Variants in MTA3 observed in about 807,000 individuals in gnomAD.
MTA3 encodes metastasis associated 1 family member 3.
MTA3 carries 34 observed loss-of-function variants against 83.5 expected under a neutral mutation model. That is an observed-to-expected ratio of 0.41 (90% CI 0.31 to 0.54). The LOEUF (loss-of-function observed/expected upper bound fraction) is 0.54. Among genes scored for constraint, MTA3 ranks in the 20% least tolerant of loss-of-function variants. The pLI, the probability that MTA3 is intolerant of heterozygous loss-of-function variation, is 0.33. For missense variants in MTA3, 761 were observed against 726.4 expected (o/e 1.05, Z -0.55); for synonymous variants, 303 against 252.7 (o/e 1.20, Z -1.89).
At chr2:42,744,510 C>A (rs769592377) in intron 16 of MTA3, among the ~76,000 whole-genome samples, 1 of 152,154 alleles carries the variant, frequency 6.6e-6, no homozygotes, top group African/African-American at 2.4e-5. Flanking sequence ...GGTAAACGAT[C>A]TTTTTAAATT....
chr2:42,607,970 C>A (rs1044013293), intron 3 of MTA3, among the ~76,000 whole-genome samples: 2 of 152,160 alleles, frequency 1.3e-5, no homozygotes, highest in African/African-American at 4.8e-5. Flanking sequence ...TATACAAATA[C>A]ATAAATGAAA....
Position 42,644,116 on chromosome 2 carries a change from A to G in MTA3, c.382-11A>G, listed in dbSNP as rs774350511. 1.9e-6 allele frequency: 3 copies of G among 1,539,384 alleles called. No individual in the cohort carries two copies. In the East Asian group the frequency reaches 6.9e-5, roughly 35 times the overall value. ...ATTAAGTATACCTATGTATTTTGTCATATTTTTCAGGATACCTTCTTCTAC... is the reference window on the plus strand; with the variant it reads ...ATTAAGTATACCTATGTATTTTGTCGTATTTTTCAGGATACCTTCTTCTAC... On this transcript the variant is annotated splice_polypyrimidine_tract_variant and intron_variant, in intron 5 of 16. Coordinates refer to ENST00000405094, the MANE Select transcript of MTA3 (RefSeq NM_001330442.2).
intron 8 of MTA3, among the ~76,000 whole-genome samples, chr2:42,669,577 A>C (rs973928643): frequency 6.6e-6 from 1 of 152,196 alleles, no homozygotes; most frequent in Non-Finnish European, 1.5e-5. Flanking sequence ...GCAGTAAAAA[A>C]TAGGAAACAC....
chr2:42,716,096 A>G (rs562809526), intron 14 of MTA3, among the ~76,000 whole-genome samples: 1 of 152,262 alleles, frequency 6.6e-6, no homozygotes, highest in Admixed American at 6.5e-5. Context: ...TGTTTATTAT[A>G]TTTCTGCCTG....
intron 2 of MTA3, among the ~76,000 whole-genome samples, chr2:42,535,015 A>T (rs992073807): frequency 1.3e-5 from 2 of 152,128 alleles, no homozygotes; most frequent in Non-Finnish European, 2.9e-5. Context: ...ATCCTGGATG[A>T]CAATGGAGCT....
At chr2:42,677,892 T>A (rs1439198012) in intron 8 of MTA3, among the ~76,000 whole-genome samples, 1 of 152,180 alleles carries the variant, frequency 6.6e-6, no homozygotes, top group Non-Finnish European at 1.5e-5. Flanking sequence ...CACACACAAA[T>A]ATCTTACTGT....
At chr2:42,538,806 C>T (rs1163054213) in intron 2 of MTA3, among the ~76,000 whole-genome samples, 9 of 131,054 alleles carry the variant, frequency 6.9e-5, no homozygotes, top group Non-Finnish European at 1.4e-4. Context: ...CTCGCCTTGT[C>T]GCCCAGGTCG....
chr2:42,549,568 C>CATATATA (rs1364860860), intron 2 of MTA3, among the ~76,000 whole-genome samples: 83 of 110,352 alleles, frequency 7.5e-4, no homozygotes, highest in Non-Finnish European at 1.0e-3. Context: ...TATACATATA[C>CATATATA]ATATATAATA....
intron 16 of MTA3, among the ~76,000 whole-genome samples, chr2:42,729,724 G>A (rs1434201537): frequency 6.6e-6 from 1 of 152,170 alleles, no homozygotes; most frequent in African/African-American, 2.4e-5. Flanking sequence ...GTCAGATGAA[G>A]TGATTTTTCC....
chr2:42,507,440 C>G (rs1376595670), intron 2 of MTA3, among the ~76,000 whole-genome samples: 1 of 151,386 alleles, frequency 6.6e-6, no homozygotes, highest in Non-Finnish European at 1.5e-5. Context: ...GTTGGGATTA[C>G]AGGCATGAGC....
At chr2:42,494,882 A>G (rs1208357407) in exon 1 of MTA3, 1 of 152,166 alleles carries the variant, frequency 6.6e-6, no homozygotes, top group Admixed American at 6.6e-5. Flanking sequence ...AGAGCGATCT[A>G]CCCCGCGCTC....
chr2:42,654,772 A>T lies in MTA3; in HGVS notation c.500-1428A>T, dbSNP rs536110718. Among the ~76,000 whole-genome samples, 5 of 152,270 alleles carry T rather than the reference A, an allele frequency of 3.3e-5. No individual in the cohort carries two copies. In the East Asian group the frequency reaches 9.7e-4, roughly 29 times the overall value. ...TATAACTACAGGCATATGCCACAAC[A>T]CATGGCTAATTTTATTTATTTTTTG... On this transcript the variant is annotated intron_variant, in intron 6 of 16. Transcript: ENST00000405094.
At chr2:42,571,515 G>C (rs890843056) in intron 2 of MTA3, among the ~76,000 whole-genome samples, 1 of 151,882 alleles carries the variant, frequency 6.6e-6, no homozygotes, top group Non-Finnish European at 1.5e-5. Flanking sequence ...ATTGCTTAGA[G>C]CCTCTGAAAG....
chr2:42,564,017 G>A (rs1486381207), upstream of MTA3, among the ~76,000 whole-genome samples: 2 of 151,208 alleles, frequency 1.3e-5, no homozygotes, highest in South Asian at 2.1e-4. Context: ...TAGAGATGGC[G>A]TTTCACTATG....
intron 6 of MTA3, among the ~76,000 whole-genome samples, chr2:42,647,180 G>C (rs1284925635): frequency 1.6e-5 from 1 of 63,538 alleles, no homozygotes; most frequent in African/African-American, 7.5e-5. Context: ...AAAAAGAAAG[G>C]AAGTCTACCA....
At chr2:42,744,436 C>T (rs370396642) in intron 16 of MTA3, among the ~76,000 whole-genome samples, 1 of 152,178 alleles carries the variant, frequency 6.6e-6, no homozygotes, top group African/African-American at 2.4e-5. Context: ...GTATGGAGGT[C>T]CTAGAAGAGT....
At chr2:42,603,885 G>T (rs1317064283) in intron 3 of MTA3, among the ~76,000 whole-genome samples, 1 of 151,918 alleles carries the variant, frequency 6.6e-6, no homozygotes, top group East Asian at 1.9e-4. Context: ...CCACTACCTG[G>T]GACTACAGGC....
intron 12 of MTA3, among the ~76,000 whole-genome samples, chr2:42,707,377 A>G (rs1275127346): frequency 2.0e-5 from 3 of 151,810 alleles, no homozygotes; most frequent in Non-Finnish European, 2.9e-5. Context: ...CCGAGTAGCT[A>G]GGACTACAGG....
At chr2:42,582,908 T>C (rs1175782013) in intron 3 of MTA3, among the ~76,000 whole-genome samples, 1 of 152,198 alleles carries the variant, frequency 6.6e-6, no homozygotes, top group Non-Finnish European at 1.5e-5. Context: ...CTTGCCACTC[T>C]CACCACACAT....
Sources: gnomAD v4.1 joint callset for allele counts (sites outside exome capture counted in the v4.1 genomes callset) on GRCh38, gnomAD v4.1.1 for gene constraint, MANE v1.5 for transcripts, NCBI Gene and HGNC (gene_info 2026-07-23, HGNC 2026-07-21) for gene names.